MAGI2: variants seen among roughly 807,000 people sequenced by gnomAD.
MAGI2 encodes the protein membrane associated guanylate kinase, WW and PDZ domain containing 2.
In MAGI2, 35 loss-of-function variants were observed where a neutral mutation model predicts 133.3. That is an observed-to-expected ratio of 0.26 (90% CI 0.20 to 0.35). The LOEUF (loss-of-function observed/expected upper bound fraction) is 0.35. Ranked by LOEUF, MAGI2 falls within the 10% of genes least tolerant of loss-of-function variation. The probability of loss-of-function intolerance (pLI) is 1.00; values close to 1 mark genes in which losing one functional copy is unlikely to be tolerated. For synonymous variants in MAGI2, 729 were observed against 710.6 expected (o/e 1.03, Z -0.41); for missense variants, 1,636 against 1,863.4 (o/e 0.88, Z 2.25).
chr7:78,742,071 G>A (rs563855457), intron 2 of MAGI2, among the ~76,000 whole-genome samples: 2 of 151,964 alleles, frequency 1.3e-5, no homozygotes, highest in African/African-American at 4.8e-5. Flanking sequence ...GCATTGGGTA[G>A]AACCGTACAT....
At chr7:78,387,264 A>C (rs1476214905) in intron 6 of MAGI2, among the ~76,000 whole-genome samples, 1 of 152,172 alleles carries the variant, frequency 6.6e-6, no homozygotes, top group Non-Finnish European at 1.5e-5. Context: ...GTGAGGACTC[A>C]GGGTGTGAAG....
At chr7:79,361,366 G>A (rs1162929898) in intron 1 of MAGI2, among the ~76,000 whole-genome samples, 3 of 151,976 alleles carry the variant, frequency 2.0e-5, no homozygotes, top group Admixed American at 2.0e-4. Context: ...CCCTTTAAAT[G>A]ATATGCAAGG....
At chr7:78,826,069 T>C (rs1489046281) in intron 2 of MAGI2, among the ~76,000 whole-genome samples, 6 of 152,010 alleles carry the variant, frequency 3.9e-5, no homozygotes, top group Non-Finnish European at 8.8e-5. Flanking sequence ...AGCATATTAA[T>C]AGGCCAGGCA....
At chr7:78,172,087 G>A (rs1158965653) in intron 14 of MAGI2, among the ~76,000 whole-genome samples, 1 of 152,116 alleles carries the variant, frequency 6.6e-6, no homozygotes, top group African/African-American at 2.4e-5. Context: ...GAACAAAACA[G>A]AACATTTGAT....
In MAGI2 at chr7:78,276,000, T is replaced by C. The variant is rs372345004; in HGVS notation, c.1409-19419A>G. On this transcript the variant is annotated intron_variant, in intron 9 of 21. Transcript: ENST00000354212. ...AATGACTGTTGAGGCCATGTGATTA[T>C]TACCCTTTCCATTTTGAATTCTACT... 4.6e-5 allele frequency among the ~76,000 whole-genome samples: 7 copies of C among 152,350 alleles called. No homozygotes were observed. The East Asian group carries it at 1.2e-3, about 25-fold the overall frequency.
intron 1 of MAGI2, among the ~76,000 whole-genome samples, chr7:79,150,254 C>G (rs973557523): frequency 1.2e-5 from 1 of 82,052 alleles, no homozygotes; most frequent in Admixed American, 1.2e-4. Context: ...GGTAAATTTA[C>G]GGTTAAAAAA....
Position 79,179,509 on chromosome 7 carries a change from A to G in MAGI2, c.302-172303T>C, listed in dbSNP as rs886687404. Among the ~76,000 whole-genome samples, 15 of 152,028 alleles carry G rather than the reference A, an allele frequency of 9.9e-5. 1 individual carries two copies. The highest frequency in any genetic ancestry group is 2.7e-4 in the African/African-American group (11 of 41,340). On this transcript the variant is annotated intron_variant, in intron 1 of 21. Transcript: ENST00000354212. ...AAGAATAAAGTTGGAGGTATAATAT[A>G]ACTTGAATTCAAAATATATTATAAG... is the stretch of plus-strand genomic sequence containing the variant.
intron 18 of MAGI2, among the ~76,000 whole-genome samples, chr7:78,128,597 G>A (rs962115804): frequency 1.3e-5 from 2 of 150,810 alleles, no homozygotes; most frequent in Non-Finnish European, 2.9e-5. Flanking sequence ...ACTGGCTTAC[G>A]GTCTTACTGA....
intron 1 of MAGI2, among the ~76,000 whole-genome samples, chr7:79,196,433 A>G (rs1439738676): frequency 3.9e-5 from 6 of 152,014 alleles, no homozygotes; most frequent in Non-Finnish European, 4.4e-5. Flanking sequence ...GCTATATTTC[A>G]AAAACATTCT....
At chr7:78,996,942 T>A (rs1246957263) in intron 2 of MAGI2, among the ~76,000 whole-genome samples, 3 of 147,244 alleles carry the variant, frequency 2.0e-5, no homozygotes, top group Non-Finnish European at 4.5e-5. Context: ...TGAAATGTAG[T>A]GCCCGAGTCA....
chr7:78,053,344 T>C (rs1164156468), intron 21 of MAGI2, among the ~76,000 whole-genome samples: 2 of 152,234 alleles, frequency 1.3e-5, no homozygotes, highest in Non-Finnish European at 2.9e-5. Flanking sequence ...ACCCTTAATA[T>C]AGAAGCTGTC....
intron 10 of MAGI2, among the ~76,000 whole-genome samples, chr7:78,222,878 T>C (rs1788972738): frequency 6.6e-6 from 1 of 152,100 alleles, no homozygotes; most frequent in South Asian, 2.1e-4. Flanking sequence ...AACCAAATAA[T>C]TAACACTGAG....
At chr7:79,314,610 A>C (rs1404434055) in intron 1 of MAGI2, among the ~76,000 whole-genome samples, 1 of 152,166 alleles carries the variant, frequency 6.6e-6, no homozygotes, top group Non-Finnish European at 1.5e-5. Context: ...TGCTAAATGC[A>C]TTGCAGTCTT....
intron 2 of MAGI2, among the ~76,000 whole-genome samples, chr7:78,923,490 G>A (rs926775119): frequency 6.6e-6 from 1 of 152,184 alleles, no homozygotes; most frequent in African/African-American, 2.4e-5. Flanking sequence ...GTTTGTCAAA[G>A]ATCAGATAGT....
intron 16 of MAGI2, among the ~76,000 whole-genome samples, chr7:78,153,075 T>C (rs1216280212): frequency 6.6e-6 from 1 of 152,220 alleles, no homozygotes; most frequent in Admixed American, 6.5e-5. Context: ...CTTTCGGAGA[T>C]GGAACATTGA....
intron 1 of MAGI2, among the ~76,000 whole-genome samples, chr7:79,205,634 A>T (rs1254532510): frequency 1.3e-5 from 2 of 151,936 alleles, no homozygotes; most frequent in African/African-American, 4.8e-5. Flanking sequence ...TAAGACTGAA[A>T]AACAAAACTA....
chr7:79,359,748 A>T (rs952113503), intron 1 of MAGI2, among the ~76,000 whole-genome samples: 1 of 151,716 alleles, frequency 6.6e-6, no homozygotes, highest in African/African-American at 2.4e-5. Context: ...CAAATTTTAT[A>T]TCCAATTAAA....
intron 6 of MAGI2, among the ~76,000 whole-genome samples, chr7:78,389,386 A>G (rs7810778): frequency 0.54 from 82,786 of 152,002 alleles, 23,401 homozygotes; most frequent in Middle Eastern, 0.66. Context: ...TATTATGACC[A>G]TCTGTTTTCT....
intron 3 of MAGI2, among the ~76,000 whole-genome samples, chr7:78,561,234 G>T (rs1168327086): frequency 6.6e-6 from 1 of 152,164 alleles, no homozygotes; most frequent in African/African-American, 2.4e-5. Context: ...AGGTAGGTGT[G>T]GGCTCACGAG....
Sources: allele counts gnomAD v4.1 joint callset (sites outside exome capture counted in the v4.1 genomes callset), GRCh38; gene constraint gnomAD v4.1.1; transcripts MANE v1.5; gene names NCBI Gene and HGNC (gene_info 2026-07-23, HGNC 2026-07-21).